Variants in CCT4 observed in about 807,000 individuals in gnomAD.
CCT4 encodes the protein T-complex protein 1 subunit delta.
In CCT4, 17 loss-of-function variants were observed where a neutral mutation model predicts 62.5. The ratio of observed to expected loss-of-function variants is 0.27; its 90% CI spans 0.19 to 0.41. The LOEUF is 0.41. Among genes scored for constraint, CCT4 ranks in the 10% least tolerant of loss-of-function variants. The pLI, the probability that CCT4 is intolerant of heterozygous loss-of-function variation, is 1.00. For missense variants in CCT4, 592 were observed against 659.2 expected (o/e 0.90, Z 1.12); for synonymous variants, 250 against 229.9 (o/e 1.09, Z -0.79).
rs909956146 is a variant in CCT4 at position 61,872,710 on chromosome 2, G to C, written c.1126-122C>G. On this transcript the variant is annotated intron_variant, in intron 10 of 13. Transcript: ENST00000394440. ...TGGGAGGATGAGGCGGGTGGCTAACGAGGTGAGGAGATCGAGACCATCCTG... is the reference window on the plus strand; with the variant it reads ...TGGGAGGATGAGGCGGGTGGCTAACCAGGTGAGGAGATCGAGACCATCCTG... 3.3e-6 allele frequency: 3 copies of C among 902,470 alleles called. No individual in the cohort carries two copies. In the Admixed American group the frequency reaches 7.4e-5, roughly 22 times the overall value. The allele number at this position is 902,470 out of a possible 1,614,324, so 55.9% of individuals were successfully genotyped here. A position where few individuals can be genotyped will look rare whatever the true frequency, so the allele number is the denominator to read the frequency against.
chr2:61,877,089 G>C, intron 6 of CCT4, 37 bp from the exon 7 acceptor site: 1 of 1,584,720 alleles, frequency 6.3e-7, no homozygotes, highest in Non-Finnish European at 8.6e-7. Context: ...GTAGTTAAGA[G>C]GGAGTGGACA....
chr2:61,885,533 C>G (rs982285378), intron 1 of CCT4, among the ~76,000 whole-genome samples: 8 of 152,078 alleles, frequency 5.3e-5, no homozygotes, highest in African/African-American at 1.4e-4. Flanking sequence ...GCCTCAGCCT[C>G]TGGAGTAGCT....
intron 7 of CCT4, among the ~76,000 whole-genome samples, chr2:61,876,650 C>G (rs985001243): frequency 6.6e-6 from 1 of 152,072 alleles, no homozygotes; most frequent in African/African-American, 2.4e-5. Context: ...CCTCAAACTC[C>G]TAGGTTCAAG....
chr2:61,879,363 G>C (rs1669065219), intron 4 of CCT4, among the ~76,000 whole-genome samples: 1 of 141,390 alleles, frequency 7.1e-6, no homozygotes, highest in Admixed American at 7.6e-5. Flanking sequence ...CCAGGCTCAA[G>C]TGATCCTCCC....
intron 12 of CCT4, among the ~76,000 whole-genome samples, chr2:61,870,642 C>T (rs1018699331): frequency 2.0e-5 from 3 of 151,974 alleles, no homozygotes; most frequent in Non-Finnish European, 2.9e-5. Flanking sequence ...CTTTAGGCCC[C>T]GCACCGTGGC....
intron 2 of CCT4, among the ~76,000 whole-genome samples, chr2:61,883,809 C>CAT (rs1558508330): frequency 7.0e-6 from 1 of 142,106 alleles, no homozygotes; most frequent in Non-Finnish European, 1.6e-5. Context: ...CACACACACA[C>CAT]ACACACAAAA....
chr2:61,884,434 CTGAG>C (rs1669203471), intron 2 of CCT4, among the ~76,000 whole-genome samples: 3 of 151,938 alleles, frequency 2.0e-5, no homozygotes, highest in Admixed American at 6.6e-5. Context: ...CTCCCACCTC[CTGAG>C]TAACTGGGAT....
chr2:61,874,852 AG>A (rs1351545988), intron 8 of CCT4, among the ~76,000 whole-genome samples: 1 of 152,034 alleles, frequency 6.6e-6, no homozygotes, highest in Admixed American at 6.6e-5. Context: ...TACATTTAAA[AG>A]GGAAGATAGG....
chr2:61,872,437 A>C (rs1316529596), intron 11 of CCT4, 21 bp downstream of exon 11: 1 of 1,581,982 alleles, frequency 6.3e-7, no homozygotes, highest in Non-Finnish European at 8.6e-7. Context: ...ATGTTACTTA[A>C]TAATGTAACA....
rs755653715 is a variant in CCT4, at chr2:61,873,094, C to T, written c.1033G>A (p.Val345Ile). The change falls in exon 10 of 14, where the codon GTT becomes ATT. Residue 345 changes from valine to isoleucine, a missense_variant. Physicochemically the swap from Val to Ile is conservative, Grantham distance 29. Around this residue, in one of 3 missense-constraint regions of CCT4, gnomAD observed 522 missense variants for 571.2 expected, o/e 0.91. Coordinates refer to ENST00000394440, the MANE Select transcript of CCT4 (RefSeq NM_006430.4). ...FICKTIGTKP[V>I]AHIDQFTADM... ...GCAGTAAATTGGTCAATATGAGCAA[C>T]TGGCTTGGTTCCAATTGTCTGGAAA... The T allele has an allele frequency of 1.2e-6, 2 of 1,609,094 alleles. No homozygotes were observed. Among genetic ancestry groups the T allele is most frequent in the Non-Finnish European group, 1.7e-6 (2 of 1,175,364 alleles).
chr2:61,874,544 G>A (rs772846908), intron 8 of CCT4, among the ~76,000 whole-genome samples: 1 of 151,848 alleles, frequency 6.6e-6, no homozygotes, highest in Non-Finnish European at 1.5e-5. Flanking sequence ...CTGGGAGGCA[G>A]AGGTTGCAGT....
chr2:61,872,635 C>T (rs752592305), intron 10 of CCT4, 47 bp from the exon 11 acceptor site: 5 of 1,605,132 alleles, frequency 3.1e-6, no homozygotes, highest in East Asian at 4.5e-5. Flanking sequence ...GTCAAAAAAA[C>T]CCCACACCCA....
In CCT4 at chr2:61,872,084, T is replaced by C; in HGVS notation, c.1489A>G (p.Lys497Glu). The part of the protein sequence containing the change: ...GEKTAGINVR[K>E]GGISNILEEL... The stretch of plus-strand genomic sequence containing the variant: ...TACATTAGAGATTAAATGATTACCT[T>C]TCGGACATTAATGCCTGCAGTTTTT... The change falls in exon 12 of 14, where the codon AAG becomes GAG. Residue 497 changes from lysine to glutamate, a missense_variant and splice_region_variant. Lys to Glu is a moderately conservative substitution (Grantham distance 56, BLOSUM62 1). Around this residue, in one of 3 missense-constraint regions of CCT4, gnomAD observed 522 missense variants for 571.2 expected, o/e 0.91. Coordinates refer to ENST00000394440, the MANE Select transcript of CCT4 (RefSeq NM_006430.4). The C allele has an allele frequency of 6.3e-7, 1 of 1,593,610 alleles. No homozygotes were observed.
chr2:61,888,542 G>A lies in CCT4; in HGVS notation c.-35C>T, dbSNP rs761488337. 7 of 1,599,334 alleles carry A rather than the reference G, an allele frequency of 4.4e-6. No individual in the cohort carries two copies. The Admixed American group carries it at 5.1e-5, about 12-fold the overall frequency. ...CGCTGTGTCTGGGTTGGCTCGGGAA[G>A]GACGGATGGACCCGGATTCTGGCCG... On this transcript the variant is annotated 5_prime_UTR_variant, in exon 1 of 14. Transcript: ENST00000394440.
At chr2:61,875,981 A>G (rs1489325792) in intron 8 of CCT4, 114 bp downstream of exon 8, 6 of 627,950 alleles carry the variant, frequency 9.6e-6, no homozygotes, top group African/African-American at 1.9e-5. Flanking sequence ...TTGTCTGTTA[A>G]GAAATACGAA....
chr2:61,875,259 T>C (rs917100821), intron 8 of CCT4, among the ~76,000 whole-genome samples: 1 of 151,886 alleles, frequency 6.6e-6, no homozygotes, highest in Non-Finnish European at 1.5e-5. Context: ...TCTGGTGGTT[T>C]ACCCAACTCA....
chr2:61,871,034 T>G (rs1350623996), intron 12 of CCT4, among the ~76,000 whole-genome samples: 47 of 149,692 alleles, frequency 3.1e-4, no homozygotes, highest in Admixed American at 6.6e-4. Context: ...ATTAATAGTT[T>G]TTTTTTTTTT....
chr2:61,884,775 T>C (rs967426910), intron 2 of CCT4, among the ~76,000 whole-genome samples: 1 of 150,860 alleles, frequency 6.6e-6, no homozygotes, highest in African/African-American at 2.4e-5. Flanking sequence ...ATTACAGGCA[T>C]GAGCCACCAT....
rs1431854834 is a variant in CCT4, at chr2:61,886,331, G to C, written c.128-1259C>G. The stretch of plus-strand genomic sequence containing the variant: ...GGAGGCTGAGGCAGGAGAACCGCTT[G>C]AACCCAGGAGGCAGAAGTTGCAATG... On this transcript the variant is annotated intron_variant, in intron 1 of 13. Coordinates refer to ENST00000394440, the MANE Select transcript of CCT4 (RefSeq NM_006430.4). Among the ~76,000 whole-genome samples, 3 of 152,288 alleles carry C rather than the reference G, an allele frequency of 2.0e-5. No homozygotes were observed. In the East Asian group the frequency reaches 5.8e-4, roughly 29 times the overall value.
Sources: gnomAD v4.1 joint callset for allele counts (sites outside exome capture counted in the v4.1 genomes callset) on GRCh38, gnomAD v4.1.1 for gene constraint, gnomAD v4.1.1 regional missense constraint, MANE v1.5 for transcripts, NCBI Gene and HGNC (gene_info 2026-07-23, HGNC 2026-07-21) for gene names.